PIEZO2: variants seen among roughly 807,000 people sequenced by gnomAD.
The protein encoded by PIEZO2 is piezo-type mechanosensitive ion channel component 2.
PIEZO2 carries 172 observed loss-of-function variants against 337.3 expected under a neutral mutation model. The observed-to-expected ratio is 0.51, with a 90% CI of 0.45 to 0.58. The LOEUF (loss-of-function observed/expected upper bound fraction) is 0.58. Ranked by LOEUF, PIEZO2 falls within the 20% of genes least tolerant of loss-of-function variation. The pLI, the probability that PIEZO2 is intolerant of heterozygous loss-of-function variation, is 0.00. For missense variants in PIEZO2, 3,028 were observed against 3,391.3 expected (o/e 0.89, Z 2.66); for synonymous variants, 1,251 against 1,228.5 (o/e 1.02, Z -0.38).
In PIEZO2 at chr18:11,105,090, C is replaced by G. The variant is rs771715481; in HGVS notation, c.65-38868G>C. The stretch of plus-strand genomic sequence containing the variant: ...AGAACAGCTTGACTAAGCACGACAC[C>G]ACCACAGAAGAAAACATAGCCAAGA... On this transcript the variant is annotated intron_variant, in intron 1 of 55. Transcript: ENST00000674853. This position sits in a 1 kb window ranked among gnomAD's most constrained non-coding sequence, Gnocchi z 4.3. Among the ~76,000 whole-genome samples the G allele has an allele frequency of 4.6e-5, 7 of 152,146 alleles. No homozygotes were observed. The highest frequency in any genetic ancestry group is 1.9e-4 in the East Asian group (1 of 5,180).
intron 1 of PIEZO2, among the ~76,000 whole-genome samples, chr18:11,106,726 A>T (rs1453617721): frequency 6.6e-6 from 1 of 152,106 alleles, no homozygotes; most frequent in Non-Finnish European, 1.5e-5. Context: ...GCAGTGGACA[A>T]GGACAGTGGC....
rs2041698045 is a variant in PIEZO2 at position 10,856,112 on chromosome 18, T to C, written c.704-546A>G. 1.3e-5 allele frequency among the ~76,000 whole-genome samples: 2 copies of C among 152,102 alleles called. No homozygotes were observed. The highest frequency in any genetic ancestry group is 4.1e-4 in the South Asian group (2 of 4,824). ...ATGGGGTTTTGCCAAGTAGCGCAGG[T>C]TGGTCTTGAACTCCTGGGCTAAGTG... is the stretch of plus-strand genomic sequence containing the variant. On this transcript the variant is annotated intron_variant, in intron 6 of 55. Transcript: ENST00000674853. This position sits in a 1 kb window ranked among gnomAD's most constrained non-coding sequence, Gnocchi z 4.7.
rs1266919507 is a variant in PIEZO2 at position 11,146,125 on chromosome 18, T to C, written c.64+2400A>G. On this transcript the variant is annotated intron_variant, in intron 1 of 55. Transcript: ENST00000674853. The surrounding 1 kb of genome is among the most constrained non-coding windows in gnomAD (Gnocchi z 6.1). ...ACTCGCACACCCAGGTTAGTCTCCCTGAACCCAGAGAGGTGTGGGAGTCCT... is the reference window on the plus strand; with the variant it reads ...ACTCGCACACCCAGGTTAGTCTCCCCGAACCCAGAGAGGTGTGGGAGTCCT... Among the ~76,000 whole-genome samples, 1 of 152,164 alleles carries C rather than the reference T, an allele frequency of 6.6e-6. No homozygotes were observed. The highest frequency in any genetic ancestry group is 1.9e-4 in the East Asian group (1 of 5,178).
Position 10,982,999 on chromosome 18 carries a change from G to A in PIEZO2, c.161-3339C>T, listed in dbSNP as rs942874260. ...GCCTCCCAAAGTGCTGGGATTACAG[G>A]AATGAGCCACCGTGCCTGGCCAAAA... is the stretch of plus-strand genomic sequence containing the variant. On this transcript the variant is annotated intron_variant, in intron 2 of 55. Coordinates refer to ENST00000674853, the MANE Select transcript of PIEZO2 (RefSeq NM_001378183.1). The surrounding 1 kb of genome is among the most constrained non-coding windows in gnomAD (Gnocchi z 4.1). Among the ~76,000 whole-genome samples the A allele has an allele frequency of 1.3e-5, 2 of 152,124 alleles. No homozygotes were observed. The highest frequency in any genetic ancestry group is 2.1e-4 in the South Asian group (1 of 4,820).
At position 10,677,013 on chromosome 18, in the gene PIEZO2, C is replaced by A. The variant is rs1008874303; in HGVS notation, c.8081+734G>T. Reference sequence around the variant, plus strand: ...TGCCAGAGCTCCCACACCTCCAAATCGCATGAGAATCAGCATGATGATTTC... The same window carrying A: ...TGCCAGAGCTCCCACACCTCCAAATAGCATGAGAATCAGCATGATGATTTC... On this transcript the variant is annotated intron_variant, in intron 53 of 55. Transcript: ENST00000674853. The surrounding 1 kb of genome is among the most constrained non-coding windows in gnomAD (Gnocchi z 4.1). Among the ~76,000 whole-genome samples, 2 of 152,152 alleles carry A rather than the reference C, an allele frequency of 1.3e-5. No individual in the cohort carries two copies. The highest frequency in any genetic ancestry group is 4.8e-5 in the African/African-American group (2 of 41,428).
chr18:10,989,354 G>A (rs1335814085), intron 2 of PIEZO2, among the ~76,000 whole-genome samples: 1 of 151,888 alleles, frequency 6.6e-6, no homozygotes, highest in Non-Finnish European at 1.5e-5. Context: ...TGCCACAAAA[G>A]TGGTCTCCAG....
intron 5 of PIEZO2, among the ~76,000 whole-genome samples, chr18:10,860,979 C>A (rs541655347): frequency 2.0e-5 from 3 of 152,202 alleles, no homozygotes; most frequent in African/African-American, 7.2e-5. Context: ...GAGCCAAGAG[C>A]GAGACGGGTT....
intron 21 of PIEZO2, among the ~76,000 whole-genome samples, chr18:10,764,052 TG>T (rs1392253738): frequency 6.6e-6 from 1 of 152,180 alleles, no homozygotes; most frequent in Non-Finnish European, 1.5e-5. Flanking sequence ...TTGAACCTGT[TG>T]ACTTTGGGCT....
intron 7 of PIEZO2, among the ~76,000 whole-genome samples, chr18:10,842,083 A>T (rs866680441): frequency 6.7e-6 from 1 of 148,868 alleles, no homozygotes; most frequent in Non-Finnish European, 1.5e-5. Flanking sequence ...TTGGAGGTGG[A>T]GGCTGCAGTG....
chr18:10,904,097 A>T (rs1247851742), intron 4 of PIEZO2, among the ~76,000 whole-genome samples: 1 of 152,224 alleles, frequency 6.6e-6, no homozygotes, highest in Non-Finnish European at 1.5e-5. Context: ...TATAATAGTC[A>T]GTTACATGAT....
At chr18:11,068,433 G>T (rs2038226800) in intron 1 of PIEZO2, among the ~76,000 whole-genome samples, 1 of 152,110 alleles carries the variant, frequency 6.6e-6, no homozygotes. Flanking sequence ...AACAGTCAAT[G>T]AGTCAAAGAA....
At chr18:11,140,567 G>C (rs1400521634) in intron 1 of PIEZO2, among the ~76,000 whole-genome samples, 1 of 152,182 alleles carries the variant, frequency 6.6e-6, no homozygotes, top group African/African-American at 2.4e-5. Flanking sequence ...CTCATCTTTA[G>C]ATGCTTAGGG....
chr18:10,934,999 A>G (rs1489381448), intron 3 of PIEZO2, among the ~76,000 whole-genome samples: 10 of 152,166 alleles, frequency 6.6e-5, no homozygotes, highest in Non-Finnish European at 1.5e-4. Context: ...CAGAAAAGCC[A>G]GGATTCTCAC....
rs2041935321 is a variant in PIEZO2, at chr18:10,863,762, G to T, written c.493-6551C>A. ...TCTGAACATCATTTGAAAGGGAAAT[G>T]AACAATAATGGAGACTAGCCAAATA... is the stretch of plus-strand genomic sequence containing the variant. On this transcript the variant is annotated intron_variant, in intron 5 of 55. Coordinates refer to ENST00000674853, the MANE Select transcript of PIEZO2 (RefSeq NM_001378183.1). The surrounding 1 kb of genome is among the most constrained non-coding windows in gnomAD (Gnocchi z 4.3). Among the ~76,000 whole-genome samples, 1 of 151,258 alleles carries T rather than the reference G, an allele frequency of 6.6e-6. No homozygotes were observed. Among genetic ancestry groups the T allele is most frequent in the African/African-American group, 2.5e-5 (1 of 40,564 alleles).
intron 7 of PIEZO2, among the ~76,000 whole-genome samples, chr18:10,816,359 C>A (rs971654513): frequency 6.8e-4 from 104 of 152,276 alleles, no homozygotes; most frequent in African/African-American, 2.5e-3. Context: ...TTCTTAGATG[C>A]TTCCAAAGCA....
rs1037167146 is a variant in PIEZO2 at position 10,677,420 on chromosome 18, G to A, written c.8081+327C>T. The stretch of plus-strand genomic sequence containing the variant: ...TTCAGTAGAGACAGGGTTTCACCAT[G>A]TTGGTCAGGCTGGTCTTGAACTCCC... On this transcript the variant is annotated intron_variant, in intron 53 of 55. Coordinates refer to ENST00000674853, the MANE Select transcript of PIEZO2 (RefSeq NM_001378183.1). This position sits in a 1 kb window ranked among gnomAD's most constrained non-coding sequence, Gnocchi z 4.1. The A allele has an allele frequency of 2.5e-5, 6 of 239,180 alleles. No homozygotes were observed. The highest frequency in any genetic ancestry group is 4.9e-5 in the Non-Finnish European group (6 of 123,016). The allele number at this position is 239,180 out of a possible 1,614,324, so 14.8% of individuals were successfully genotyped here.
intron 1 of PIEZO2, among the ~76,000 whole-genome samples, chr18:11,085,710 T>C (rs1451266609): frequency 6.6e-6 from 1 of 152,122 alleles, no homozygotes; most frequent in Non-Finnish European, 1.5e-5. Flanking sequence ...GGCTGCAATT[T>C]CCTAGACGTT....
At chr18:10,900,993 G>A (rs892839585) in intron 4 of PIEZO2, among the ~76,000 whole-genome samples, 7 of 152,128 alleles carry the variant, frequency 4.6e-5, no homozygotes, top group African/African-American at 1.7e-4. Context: ...TTTTTCAAAT[G>A]AAAGAAAAGA....
chr18:10,784,790 ATGG>A lies in PIEZO2; in HGVS notation c.2483_2485del (p.Thr828del). ...GTTTCTTCCAGTGGCTCACCTGTAG[ATGG>A]TGTTGTCTTCTTTGCTGGGAATGGA... On this transcript the variant is annotated inframe_deletion, in exon 17 of 56. Transcript: ENST00000674853. The surrounding 1 kb of genome is among the most constrained non-coding windows in gnomAD (Gnocchi z 4.5). 6.5e-7 allele frequency: 1 copy of A among 1,535,966 alleles called. No homozygotes were observed. The highest frequency in any genetic ancestry group is 8.7e-7 in the Non-Finnish European group (1 of 1,145,986).
Sources: gnomAD v4.1 joint callset for allele counts (sites outside exome capture counted in the v4.1 genomes callset) on GRCh38, gnomAD v4.1.1 for gene constraint, Gnocchi (gnomAD v3.1) non-coding constraint, MANE v1.5 for transcripts, NCBI Gene and HGNC (gene_info 2026-07-23, HGNC 2026-07-21) for gene names.